Variants in CLASP2 observed in about 807,000 individuals in gnomAD.
The protein encoded by CLASP2 is cytoplasmic linker associated protein 2, also known as CLIP-associating protein 2.
In CLASP2, 47 loss-of-function variants were observed where a neutral mutation model predicts 194.4. The ratio of observed to expected loss-of-function variants is 0.24; its 90% CI spans 0.19 to 0.31. CLASP2 has a LOEUF of 0.31. Among genes scored for constraint, CLASP2 ranks in the 10% least tolerant of loss-of-function variants. The pLI, the probability that CLASP2 is intolerant of heterozygous loss-of-function variation, is 1.00. For synonymous variants in CLASP2, 619 were observed against 633.5 expected (o/e 0.98, Z 0.34); for missense variants, 1,445 against 1,823.6 (o/e 0.79, Z 3.78).
intron 30 of CLASP2, 199 bp from the exon 31 acceptor site, chr3:33,545,040 TAAG>T: frequency 2.5e-6 from 1 of 407,532 alleles, no homozygotes; most frequent in East Asian, 3.9e-5. Flanking sequence ...TTTTTTAAGG[TAAG>T]AAGGGAATAT....
rs749024624 is a variant in CLASP2, at chr3:33,571,634, C to CAA, written c.2700-846_2700-845dup. Reference sequence around the variant, plus strand: ...TGGGCGACAGGGTTAGACTCTGTCTCAAAAAAAAAAAAACCAAAAAAACAA... The same window carrying CAA: ...TGGGCGACAGGGTTAGACTCTGTCTCAAAAAAAAAAAAAAACCAAAAAAACAA... On this transcript the variant is annotated intron_variant, in intron 25 of 38. Transcript: ENST00000682230. Among the ~76,000 whole-genome samples, 1,171 of 122,920 alleles carry CAA rather than the reference C, an allele frequency of 9.5e-3. 19 individuals carry two copies. Among genetic ancestry groups the CAA allele is most frequent in the African/African-American group, 0.032 (1,052 of 33,038 alleles). 80.6% of individuals were successfully genotyped at this position (122,920 alleles called of 152,430 possible). A position where few individuals can be genotyped will look rare whatever the true frequency, so the allele number is the denominator to read the frequency against.
chr3:33,648,630 A>T (rs1488828318), intron 7 of CLASP2, among the ~76,000 whole-genome samples: 1 of 152,248 alleles, frequency 6.6e-6, no homozygotes, highest in Non-Finnish European at 1.5e-5. Flanking sequence ...CATTATCACT[A>T]GCCCTAAAAT....
At chr3:33,504,768 A>G (rs758868841) in intron 37 of CLASP2, 3 of 152,198 alleles carry the variant, frequency 2.0e-5, no homozygotes, top group Non-Finnish European at 4.4e-5. Context: ...TAGATCCCTC[A>G]TATGTGCAAC....
intron 37 of CLASP2, among the ~76,000 whole-genome samples, chr3:33,507,559 G>A (rs1290618683): frequency 6.6e-6 from 1 of 152,116 alleles, no homozygotes; most frequent in Non-Finnish European, 1.5e-5. Context: ...GTGGCTCACT[G>A]CAGTCTCTAC....
In CLASP2 at chr3:33,613,347, T is replaced by G. The variant is rs143637999; in HGVS notation, c.1318-1276A>C. 5.6e-4 allele frequency among the ~76,000 whole-genome samples: 86 copies of G among 152,258 alleles called. 1 individual carries two copies. The East Asian group carries it at 0.013, about 23-fold the overall frequency. ...TGAATTGGTCCAAGATGGCCAAACC[T>G]TTATACTTCCACATCAATCAGTTAT... On this transcript the variant is annotated intron_variant, in intron 12 of 38. Transcript: ENST00000682230.
chr3:33,708,853 T>C (rs111991792), intron 1 of CLASP2, among the ~76,000 whole-genome samples: 148 of 152,228 alleles, frequency 9.7e-4, no homozygotes, highest in South Asian at 4.6e-3. Flanking sequence ...TCTCCAATAC[T>C]TGTTCTCTTT....
intron 7 of CLASP2, among the ~76,000 whole-genome samples, chr3:33,658,290 T>C: frequency 6.6e-6 from 1 of 152,100 alleles, no homozygotes; most frequent in East Asian, 1.9e-4. Context: ...TGTTCACACC[T>C]GAGGAGTTAA....
intron 7 of CLASP2, among the ~76,000 whole-genome samples, chr3:33,653,573 C>CATT (rs35812182): frequency 0.51 from 77,521 of 151,658 alleles, 21,285 homozygotes; most frequent in African/African-American, 0.71. Flanking sequence ...AATGTGAACA[C>CATT]ATTTGACACT....
At chr3:33,581,772 G>A in intron 23 of CLASP2, 49 bp downstream of exon 23, 3 of 1,301,312 alleles carry the variant, frequency 2.3e-6, no homozygotes, top group Non-Finnish European at 3.3e-6. Flanking sequence ...AACAGATAGT[G>A]ATAACACCAT....
At chr3:33,698,241 G>A (rs146904600) in intron 1 of CLASP2, among the ~76,000 whole-genome samples, 24 of 152,222 alleles carry the variant, frequency 1.6e-4, no homozygotes, top group Middle Eastern at 3.4e-3. Context: ...ACACTGTTAC[G>A]CCTAAGGCAC....
At chr3:33,678,241 C>G (rs1361313901) in intron 6 of CLASP2, among the ~76,000 whole-genome samples, 1 of 151,814 alleles carries the variant, frequency 6.6e-6, no homozygotes, top group African/African-American at 2.4e-5. Flanking sequence ...AAATTAATGC[C>G]AGATACCAAA....
chr3:33,535,817 C>T (rs1329767346), intron 33 of CLASP2, among the ~76,000 whole-genome samples: 1 of 151,000 alleles, frequency 6.6e-6, no homozygotes, highest in African/African-American at 2.4e-5. Context: ...ATAAGCAATA[C>T]AGTACTACAA....
At chr3:33,694,870 G>C (rs984732426) in intron 2 of CLASP2, among the ~76,000 whole-genome samples, 9 of 152,082 alleles carry the variant, frequency 5.9e-5, no homozygotes, top group Non-Finnish European at 4.4e-5. Flanking sequence ...GAGTGTTGAG[G>C]AGGCTGAGGC....
intron 1 of CLASP2, among the ~76,000 whole-genome samples, chr3:33,699,118 T>C (rs540213304): frequency 1.3e-4 from 20 of 152,170 alleles, no homozygotes; most frequent in Non-Finnish European, 2.4e-4. Context: ...ATCAAAAGAT[T>C]TGATACAGAG....
chr3:33,541,990 G>A (rs991370330), intron 32 of CLASP2, among the ~76,000 whole-genome samples: 4 of 152,008 alleles, frequency 2.6e-5, no homozygotes, highest in Admixed American at 2.0e-4. Context: ...CCACAACCTT[G>A]CCAGCATCTG....
intron 6 of CLASP2, among the ~76,000 whole-genome samples, chr3:33,668,540 A>G (rs1339050060): frequency 6.6e-6 from 1 of 152,236 alleles, no homozygotes; most frequent in African/African-American, 2.4e-5. Context: ...ATAGTGGAAC[A>G]ATAGTCTGAA....
At chr3:33,525,549 G>A (rs1483979227) in intron 34 of CLASP2, among the ~76,000 whole-genome samples, 1 of 152,070 alleles carries the variant, frequency 6.6e-6, no homozygotes, top group Non-Finnish European at 1.5e-5. Context: ...AGCGGTGAGT[G>A]AATATGTGAC....
At chr3:33,664,408 C>T (rs2085828377) in intron 6 of CLASP2, among the ~76,000 whole-genome samples, 1 of 152,124 alleles carries the variant, frequency 6.6e-6, no homozygotes, top group Non-Finnish European at 1.5e-5. Flanking sequence ...AAATGTTCTT[C>T]TCTGACTCAC....
intron 8 of CLASP2, among the ~76,000 whole-genome samples, chr3:33,638,715 T>C (rs1311215440): frequency 6.6e-6 from 1 of 152,232 alleles, no homozygotes; most frequent in Non-Finnish European, 1.5e-5. Context: ...AAACAATGCT[T>C]CTTACCAAGT....
Sources: allele counts gnomAD v4.1 joint callset (sites outside exome capture counted in the v4.1 genomes callset), GRCh38; gene constraint gnomAD v4.1.1; transcripts MANE v1.5; gene names NCBI Gene and HGNC (gene_info 2026-07-23, HGNC 2026-07-21).